Variants in PCDHA9 observed in about 807,000 individuals in gnomAD.
PCDHA9 encodes the protein protocadherin alpha-9.
PCDHA9 carries 62 observed loss-of-function variants against 62.0 expected under a neutral mutation model. The ratio of observed to expected loss-of-function variants is 1.00; its 90% CI spans 0.81 to 1.23. The LOEUF (loss-of-function observed/expected upper bound fraction) is 1.23. Ranked by LOEUF, PCDHA9 falls within the 50% of genes most tolerant of loss-of-function variation. The pLI, the probability that PCDHA9 is intolerant of heterozygous loss-of-function variation, is 0.00. For synonymous variants in PCDHA9, 557 were observed against 567.6 expected (o/e 0.98, Z 0.27); for missense variants, 1,205 against 1,249.8 (o/e 0.96, Z 0.54).
rs2150486644 is a variant in PCDHA9 at position 140,850,501 on chromosome 5, T to C, written c.2006T>C (p.Leu669Pro). ...LTATATVLVSLVESGQAPKSS... is the reference protein window; with the variant it reads ...LTATATVLVSPVESGQAPKSS... ...GCCACGGCCACTGTGCTGGTGTCGC[T>C]GGTGGAGAGCGGCCAGGCGCCAAAG... The change falls in exon 1 of 4, where the codon CTG becomes CCG. Residue 669 changes from leucine (L) to proline (P), a missense_variant. Physicochemically the swap from Leu to Pro is moderately conservative, Grantham distance 98. Coordinates refer to ENST00000532602, the MANE Select transcript of PCDHA9 (RefSeq NM_031857.2). 6.3e-7 allele frequency: 1 copy of C among 1,598,068 alleles called. No homozygotes were observed. Among genetic ancestry groups the C allele is most frequent in the African/African-American group, 1.3e-5 (1 of 74,450 alleles).
intron 2 of PCDHA9, among the ~76,000 whole-genome samples, chr5:140,980,556 G>A (rs1355966555): frequency 6.6e-6 from 1 of 152,126 alleles, no homozygotes; most frequent in Non-Finnish European, 1.5e-5. Flanking sequence ...CTTGAACCCG[G>A]GAGGCGGAAG....
intron 1 of PCDHA9, chr5:140,884,136 G>A (rs371124724): frequency 1.2e-6 from 2 of 1,613,282 alleles, no homozygotes; most frequent in Non-Finnish European, 1.7e-6. Flanking sequence ...ATCCCGTTCC[G>A]CGTGGGGCTG....
At chr5:140,988,942 G>C (rs1236805502) in intron 3 of PCDHA9, 1 of 152,180 alleles carries the variant, frequency 6.6e-6, no homozygotes, top group East Asian at 1.9e-4. Context: ...CTCTTAGGCT[G>C]CAGTTTCCTT....
At chr5:140,863,088 CACG>C (rs782667679) in intron 1 of PCDHA9, 19 of 574,542 alleles carry the variant, frequency 3.3e-5, no homozygotes, top group Admixed American at 1.7e-4. Context: ...GCGAGATCAG[CACG>C]ACGAGTACCC....
intron 3 of PCDHA9, among the ~76,000 whole-genome samples, chr5:141,003,043 C>T (rs2098108698): frequency 6.6e-6 from 1 of 152,198 alleles, no homozygotes; most frequent in Non-Finnish European, 1.5e-5. Flanking sequence ...CCCTCCTGGC[C>T]TTAACAGAAC....
intron 1 of PCDHA9, among the ~76,000 whole-genome samples, chr5:140,892,867 A>G (rs1452797610): frequency 1.3e-5 from 2 of 152,150 alleles, no homozygotes; most frequent in African/African-American, 4.8e-5. Context: ...CTGTGTAGCT[A>G]TAATTTCGTA....
chr5:140,967,888 G>A, intron 1 of PCDHA9: 1 of 1,614,138 alleles, frequency 6.2e-7, no homozygotes, highest in South Asian at 1.1e-5. Context: ...ATAGCCCAGT[G>A]CCTGAGAATG....
chr5:140,981,141 A>G (rs957272254), intron 2 of PCDHA9, among the ~76,000 whole-genome samples: 2 of 152,242 alleles, frequency 1.3e-5, no homozygotes, highest in African/African-American at 4.8e-5. Flanking sequence ...AAAGAGTGAG[A>G]AAACATTGAA....
intron 1 of PCDHA9, chr5:140,884,516 T>C: frequency 6.2e-7 from 1 of 1,613,960 alleles, no homozygotes; most frequent in South Asian, 1.1e-5. Context: ...GAGTTGGTCG[T>C]ACTCGCAGCA....
chr5:140,952,113 G>T (rs2094688731), intron 1 of PCDHA9, among the ~76,000 whole-genome samples: 1 of 151,990 alleles, frequency 6.6e-6, no homozygotes. Flanking sequence ...TCGTGTGAGG[G>T]ATGGGCTCCC....
Position 140,898,031 on chromosome 5 carries a change from G to C in PCDHA9, c.2394+47142G>C, listed in dbSNP as rs550093815. Among the ~76,000 whole-genome samples, 156 of 152,112 alleles carry C rather than the reference G, an allele frequency of 1.0e-3. No individual in the cohort carries two copies. The South Asian group carries it at 0.016, about 16-fold the overall frequency. ...CATATCCTTTGCCCACTTTTTGATG[G>C]GGTTGTTTGTTTTTTTCTTGTAAAT... On this transcript the variant is annotated intron_variant, in intron 1 of 3. Coordinates refer to ENST00000532602, the MANE Select transcript of PCDHA9 (RefSeq NM_031857.2).
intron 1 of PCDHA9, chr5:140,871,297 G>A (rs781824958): frequency 5.6e-6 from 9 of 1,613,778 alleles, no homozygotes; most frequent in African/African-American, 5.3e-5. Context: ...GGGCGCGTGC[G>A]CGCCGGGGAA....
At chr5:140,985,739 C>CA (rs781951589) in intron 3 of PCDHA9, among the ~76,000 whole-genome samples, 2 of 117,920 alleles carry the variant, frequency 1.7e-5, no homozygotes, top group Non-Finnish European at 3.4e-5. Flanking sequence ...TGATGAATTC[C>CA]TTTTTTTTTT....
chr5:140,967,876 G>T, intron 1 of PCDHA9: 1 of 1,614,144 alleles, frequency 6.2e-7, no homozygotes, highest in Non-Finnish European at 8.5e-7. Context: ...TCACGGACCT[G>T]TATAGCCCAG....
At chr5:140,903,076 C>T (rs1479702171) in intron 1 of PCDHA9, among the ~76,000 whole-genome samples, 1 of 152,122 alleles carries the variant, frequency 6.6e-6, no homozygotes, top group Admixed American at 6.5e-5. Flanking sequence ...GGGTAGATAC[C>T]TGATAGTGGC....
rs191251073 is a variant in PCDHA9, at chr5:140,928,748, G to C, written c.2395-50201G>C. ...ATTTCAGCCAATATAGGTGAGCTCCGTACTGCTCGCTTAGTTCTTCCCACT... is the reference window on the plus strand; with the variant it reads ...ATTTCAGCCAATATAGGTGAGCTCCCTACTGCTCGCTTAGTTCTTCCCACT... On this transcript the variant is annotated intron_variant, in intron 1 of 3. Coordinates refer to ENST00000532602, the MANE Select transcript of PCDHA9 (RefSeq NM_031857.2). The C allele has an allele frequency of 1.9e-6, 3 of 1,614,114 alleles. No individual in the cohort carries two copies. In the Admixed American group the frequency reaches 5.0e-5, roughly 27 times the overall value.
At chr5:140,936,446 C>G (rs1200299868) in intron 1 of PCDHA9, among the ~76,000 whole-genome samples, 1 of 152,164 alleles carries the variant, frequency 6.6e-6, no homozygotes, top group Non-Finnish European at 1.5e-5. Flanking sequence ...TAAATAACCA[C>G]ATCTGTTTAG....
chr5:140,906,258 C>T (rs1162219070), intron 1 of PCDHA9, among the ~76,000 whole-genome samples: 4 of 152,180 alleles, frequency 2.6e-5, no homozygotes, highest in African/African-American at 9.7e-5. Flanking sequence ...TACACACCTC[C>T]TGAAATTATA....
chr5:140,985,096 C>A (rs1486346952), intron 3 of PCDHA9, among the ~76,000 whole-genome samples: 1 of 152,096 alleles, frequency 6.6e-6, no homozygotes, highest in Non-Finnish European at 1.5e-5. Context: ...TGCCACCAAG[C>A]CTGGCTAATT....
Sources: allele counts gnomAD v4.1 joint callset (sites outside exome capture counted in the v4.1 genomes callset), GRCh38; gene constraint gnomAD v4.1.1; transcripts MANE v1.5; gene names NCBI Gene and HGNC (gene_info 2026-07-23, HGNC 2026-07-21).